Variants in SAMD12 observed in about 807,000 individuals in gnomAD.
SAMD12 encodes the protein sterile alpha motif domain containing 12.
In SAMD12, 9 loss-of-function variants were observed where a neutral mutation model predicts 15.0. The observed-to-expected ratio is 0.60, with a 90% CI of 0.36 to 1.05. The LOEUF (loss-of-function observed/expected upper bound fraction) is 1.05. SAMD12 is among the 50% of genes least tolerant of loss of function. SAMD12 has a pLI of 0.01. For missense variants in SAMD12, 230 were observed against 234.2 expected, an observed-to-expected ratio of 0.98 and a Z score of 0.12; for synonymous variants, 86 against 90.1, an observed-to-expected ratio of 0.96 and a Z score of 0.25.
intron 4 of SAMD12, among the ~76,000 whole-genome samples, chr8:118,267,701 T>TTGTG (rs10671962): frequency 0.044 from 6,547 of 147,556 alleles, 214 homozygotes; most frequent in African/African-American, 0.093. Context: ...TTCCCATCTG[T>TTGTG]TGTGTGTGTG....
At chr8:118,399,994 A>T (rs1291180073) in intron 3 of SAMD12, among the ~76,000 whole-genome samples, 1 of 152,202 alleles carries the variant, frequency 6.6e-6, no homozygotes. Flanking sequence ...ATCTGCTGCT[A>T]AAAATTCTGT....
the SAMD12 span, among the ~76,000 whole-genome samples, chr8:118,156,089 G>A: frequency 6.6e-6 from 1 of 152,150 alleles, no homozygotes; most frequent in African/African-American, 2.4e-5. Context: ...TTGAAGGCAA[G>A]GGAAACTATA....
chr8:118,424,044 T>C (rs1822137557), intron 3 of SAMD12, among the ~76,000 whole-genome samples: 1 of 152,162 alleles, frequency 6.6e-6, no homozygotes, highest in Non-Finnish European at 1.5e-5. Context: ...GGAAATGGGT[T>C]GATATTTAAA....
At chr8:118,189,339 A>G (rs911671317), downstream of SAMD12, 4 of 152,192 alleles carry the variant, frequency 2.6e-5, no homozygotes, top group African/African-American at 9.6e-5. Context: ...TAACACAGGG[A>G]AAGTGAAATG....
intron 4 of SAMD12, among the ~76,000 whole-genome samples, chr8:118,212,337 A>C (rs1811853646): frequency 6.6e-6 from 1 of 152,120 alleles, no homozygotes; most frequent in Admixed American, 6.6e-5. Context: ...CTGAGAAAGA[A>C]AAAAAAGATG....
At chr8:118,254,075 AG>A (rs1812876163) in intron 4 of SAMD12, among the ~76,000 whole-genome samples, 1 of 152,150 alleles carries the variant, frequency 6.6e-6, no homozygotes, top group Non-Finnish European at 1.5e-5. Flanking sequence ...CTTAAACCAT[AG>A]GCTCCTTCAA....
At chr8:118,332,043 G>A (rs1372154695) in intron 4 of SAMD12, among the ~76,000 whole-genome samples, 1 of 152,010 alleles carries the variant, frequency 6.6e-6, no homozygotes, top group Non-Finnish European at 1.5e-5. Flanking sequence ...TGGGGTGGGG[G>A]AAAGGAATCA....
intron 2 of SAMD12, among the ~76,000 whole-genome samples, chr8:118,579,672 C>T (rs1827235177): frequency 6.6e-6 from 1 of 152,040 alleles, no homozygotes; most frequent in South Asian, 2.1e-4. Flanking sequence ...GTAAGGTGAC[C>T]TTTTTCCTTA....
rs118111858 is a variant in SAMD12 at position 118,452,808 on chromosome 8, A to G, written c.193-12847T>C. 5.1e-3 allele frequency among the ~76,000 whole-genome samples: 780 copies of G among 152,354 alleles called. 7 individuals carry two copies. The highest frequency in any genetic ancestry group is 8.5e-3 in the Non-Finnish European group (575 of 68,028). On this transcript the variant is annotated intron_variant, in intron 2 of 3. Coordinates refer to ENST00000314727, the MANE Select transcript of SAMD12 (RefSeq NM_207506.3). ...CTGGAAACTATCTTGTTTTCAAAGT[A>G]TAACCCTAACATGGTCCTAACTCAA...
chr8:118,182,988 G>A, the SAMD12 span, among the ~76,000 whole-genome samples: 6 of 152,098 alleles, frequency 3.9e-5, no homozygotes, highest in African/African-American at 1.4e-4. Context: ...ACCCAATATC[G>A]AATTAGCTAG....
At chr8:118,363,047 T>A (rs1274397684) in intron 4 of SAMD12, among the ~76,000 whole-genome samples, 1 of 152,198 alleles carries the variant, frequency 6.6e-6, no homozygotes, top group Non-Finnish European at 1.5e-5. Context: ...AAGCAAGCTA[T>A]TAAATCTTTT....
chr8:118,186,352 A>G (rs1246518655), downstream of SAMD12, among the ~76,000 whole-genome samples: 1 of 152,214 alleles, frequency 6.6e-6, no homozygotes, highest in East Asian at 1.9e-4. Flanking sequence ...TAAGGTCTCT[A>G]AAGTCAGGAA....
intron 1 of SAMD12, among the ~76,000 whole-genome samples, chr8:118,616,733 T>G (rs1379781683): frequency 5.9e-5 from 9 of 152,200 alleles, no homozygotes; most frequent in African/African-American, 2.2e-4. Context: ...CCCCAACCCC[T>G]GGGTTGTGAA....
intron 3 of SAMD12, among the ~76,000 whole-genome samples, chr8:118,425,059 C>T (rs1338126543): frequency 4.6e-5 from 7 of 151,870 alleles, no homozygotes; most frequent in African/African-American, 1.7e-4. Flanking sequence ...CTGCCTCAGC[C>T]TCCTGAGTAG....
rs777457230 is a variant in SAMD12, at chr8:118,580,850, G to A, written c.57C>T (p.Ala19=). 9 of 1,613,024 alleles carry A rather than the reference G, an allele frequency of 5.6e-6. No individual in the cohort carries two copies. The Admixed American group carries it at 1.3e-4, about 24-fold the overall frequency. ...TTTGCAGTTTAATACCTTCAGCATG[G>A]GCAGGGTGATCAATACCCCGTGGAT... The part of the protein sequence containing the change: ...GLNPRGIDHP[A]HAEGIKLQIE... The change falls in exon 2 of 4, where the codon GCC becomes GCT. Residue 19 remains alanine (A), a synonymous_variant. Coordinates refer to ENST00000314727, the MANE Select transcript of SAMD12 (RefSeq NM_207506.3).
the SAMD12 span, among the ~76,000 whole-genome samples, chr8:118,137,795 T>G: frequency 6.6e-6 from 1 of 152,176 alleles, no homozygotes; most frequent in African/African-American, 2.4e-5. Flanking sequence ...CATCTCATAA[T>G]TTTTTAAGAA....
intron 2 of SAMD12, among the ~76,000 whole-genome samples, chr8:118,493,619 T>C (rs953734129): frequency 1.9e-4 from 29 of 152,218 alleles, no homozygotes; most frequent in African/African-American, 6.5e-4. Flanking sequence ...TATCTGTGCA[T>C]GTCCAATGTG....
chr8:118,389,318 G>A (rs1209524796), intron 3 of SAMD12, among the ~76,000 whole-genome samples: 1 of 152,190 alleles, frequency 6.6e-6, no homozygotes, highest in African/African-American at 2.4e-5. Flanking sequence ...TTATACCAGA[G>A]GTCATAAACT....
At chr8:118,582,076 G>C (rs966177588) in intron 1 of SAMD12, among the ~76,000 whole-genome samples, 14 of 152,006 alleles carry the variant, frequency 9.2e-5, no homozygotes, top group Non-Finnish European at 1.8e-4. Flanking sequence ...CCTCATCTTT[G>C]CCAGGATTCT....
Sources: allele counts gnomAD v4.1 joint callset (sites outside exome capture counted in the v4.1 genomes callset), GRCh38; gene constraint gnomAD v4.1.1; transcripts MANE v1.5; gene names NCBI Gene and HGNC (gene_info 2026-07-23, HGNC 2026-07-21).